MTR: variants seen among roughly 807,000 people sequenced by gnomAD.
MTR encodes the protein methionine synthase.
A neutral mutation model predicts 154.8 loss-of-function variants in MTR; 84 were observed. The observed-to-expected ratio is 0.54, with a 90% CI of 0.45 to 0.65. The LOEUF (loss-of-function observed/expected upper bound fraction) is 0.65. MTR is among the 30% of genes least tolerant of loss of function. The pLI is 0.00. For missense variants in MTR, 1,275 were observed against 1,570.2 expected, an observed-to-expected ratio of 0.81 and a Z score of 3.18; for synonymous variants, 554 against 553.9, an observed-to-expected ratio of 1.00 and a Z score of 0.00.
At chr1:236,813,495 A>T (rs1013572457) in intron 6 of MTR, among the ~76,000 whole-genome samples, 2 of 152,170 alleles carry the variant, frequency 1.3e-5, no homozygotes, top group Non-Finnish European at 2.9e-5. Context: ...TCCCTTCAGC[A>T]AGCAATGTAC....
chr1:236,843,771 A>G (rs1176349905), intron 15 of MTR, among the ~76,000 whole-genome samples: 1 of 152,212 alleles, frequency 6.6e-6, no homozygotes, highest in Non-Finnish European at 1.5e-5. Flanking sequence ...GGATAACTTT[A>G]GAATCTGTTG....
At chr1:236,858,789 G>T (rs1421169398) in intron 18 of MTR, among the ~76,000 whole-genome samples, 1 of 152,148 alleles carries the variant, frequency 6.6e-6, no homozygotes, top group Non-Finnish European at 1.5e-5. Flanking sequence ...TTTGGCAGCT[G>T]GTACCTCCAG....
intron 1 of MTR, among the ~76,000 whole-genome samples, 174 bp downstream of exon 1, chr1:236,795,911 T>G (rs961433070): frequency 3.9e-5 from 6 of 152,224 alleles, no homozygotes; most frequent in African/African-American, 7.2e-5. Flanking sequence ...CGTGTTTTGC[T>G]CCACTCTTTG....
chr1:236,897,501 T>G, intron 32 of MTR, 57 bp from the exon 33 acceptor site: 1 of 1,511,288 alleles, frequency 6.6e-7, no homozygotes, highest in Non-Finnish European at 9.2e-7. Flanking sequence ...TTGTGGAAAC[T>G]TCTATTCCAA....
intron 1 of MTR, among the ~76,000 whole-genome samples, chr1:236,802,429 A>G (rs911305277): frequency 2.0e-5 from 3 of 152,110 alleles, no homozygotes; most frequent in African/African-American, 7.2e-5. Context: ...CCATGTCAGA[A>G]GGATAAGAAA....
chr1:236,869,218 G>T (rs1664984811), intron 22 of MTR, among the ~76,000 whole-genome samples: 1 of 152,160 alleles, frequency 6.6e-6, no homozygotes, highest in Non-Finnish European at 1.5e-5. Context: ...AGGACTTTTT[G>T]TCTTACATTA....
In MTR at chr1:236,838,414, G is replaced by T; in HGVS notation, c.1330G>T (p.Val444Leu). ...LIASEPDIAKVPLCIDSSNFA... is the reference protein window; with the variant it reads ...LIASEPDIAKLPLCIDSSNFA... ...GATTTTCTTGCCTTTCTGATCTCAG[G>T]TACCTTTGTGCATCGACTCCTCCAA... The change falls in exon 15 of 33, where the codon GTA becomes TTA. Residue 444 changes from valine to leucine, a missense_variant and splice_region_variant. Val to Leu is a conservative substitution (Grantham distance 32). Transcript: ENST00000366577. 6.2e-7 allele frequency: 1 copy of T among 1,614,060 alleles called. No homozygotes were observed.
rs1217290510 is a variant in MTR, at chr1:236,889,099, A to G, written c.2852-82A>G. ...AGGGAGGCGGAGTGTGGGAGTTGGC[A>G]GAGCAGTGAGGAGCTGGCAGGGAGG... On this transcript the variant is annotated intron_variant, in intron 27 of 32. Transcript: ENST00000366577. 4.5e-6 allele frequency: 7 copies of G among 1,550,000 alleles called. No individual in the cohort carries two copies. The Admixed American group carries it at 1.0e-4, about 22-fold the overall frequency.
chr1:236,857,915 T>C (rs1315738115), intron 18 of MTR, among the ~76,000 whole-genome samples: 2 of 152,164 alleles, frequency 1.3e-5, no homozygotes, highest in Non-Finnish European at 2.9e-5. Context: ...AGTGCAGTGC[T>C]GGTGGTCCCT....
chr1:236,876,506 A>AATAT (rs1665441623), intron 24 of MTR, among the ~76,000 whole-genome samples: 1 of 152,226 alleles, frequency 6.6e-6, no homozygotes, highest in Admixed American at 6.5e-5. Context: ...GAAAGACTTT[A>AATAT]ATATCAACTG....
chr1:236,802,972 A>G (rs1210690562), intron 1 of MTR, among the ~76,000 whole-genome samples: 1 of 152,222 alleles, frequency 6.6e-6, no homozygotes, highest in Admixed American at 6.5e-5. Context: ...CTCTGTTTGC[A>G]GGCCATTATT....
intron 22 of MTR, among the ~76,000 whole-genome samples, chr1:236,871,750 A>G (rs1299995807): frequency 6.6e-5 from 10 of 152,202 alleles, no homozygotes; most frequent in South Asian, 2.1e-4. Context: ...TGCATTTGCT[A>G]CTGGGTTAGT....
chr1:236,878,490 C>G (rs189443150), intron 24 of MTR, among the ~76,000 whole-genome samples: 1 of 151,994 alleles, frequency 6.6e-6, no homozygotes, highest in South Asian at 2.1e-4. Flanking sequence ...CCAAGATACT[C>G]GAAATGAAGG....
chr1:236,852,436 TCCACTCC>T, intron 16 of MTR, 78 bp from the exon 17 acceptor site: 1 of 978,990 alleles, frequency 1.0e-6, no homozygotes, highest in African/African-American at 1.6e-5. Flanking sequence ...TTTTTTTCTT[TCCACTCC>T]TATATAAAGC....
chr1:236,886,224 G>T, intron 26 of MTR, 68 bp from the exon 27 acceptor site: 1 of 1,304,372 alleles, frequency 7.7e-7, no homozygotes. Flanking sequence ...GGCCTTCTTG[G>T]ACATGTTTTC....
chr1:236,834,394 G>A (rs1024247956), intron 13 of MTR, among the ~76,000 whole-genome samples: 1 of 152,096 alleles, frequency 6.6e-6, no homozygotes, highest in African/African-American at 2.4e-5. Flanking sequence ...TGGCCAGGCT[G>A]GTCTTGAACT....
At chr1:236,826,058 T>C (rs1304471604) in intron 10 of MTR, among the ~76,000 whole-genome samples, 1 of 152,222 alleles carries the variant, frequency 6.6e-6, no homozygotes, top group Non-Finnish European at 1.5e-5. Flanking sequence ...ATGGTTAAAC[T>C]CTAGTCTCAT....
At chr1:236,835,750 G>T in intron 14 of MTR, 63 bp downstream of exon 14, 2 of 1,599,470 alleles carry the variant, frequency 1.3e-6, no homozygotes, top group Non-Finnish European at 1.7e-6. Context: ...TCATTTAACC[G>T]TGCCAGTTGT....
chr1:236,835,633 A>G lies in MTR; in HGVS notation c.1275A>G (p.Pro425=), dbSNP rs202147344. The part of the protein sequence containing the change: ...VNMDDGMLDG[P]SAMTRFCNLI... ...TGGATGATGGCATGCTAGATGGTCC[A>G]AGTGCAATGACCAGATTTTGCAACT... The change falls in exon 14 of 33, where the codon CCA becomes CCG. Residue 425 remains proline, a synonymous_variant. Coordinates refer to ENST00000366577, the MANE Select transcript of MTR (RefSeq NM_000254.3). 7.4e-5 allele frequency: 120 copies of G among 1,611,194 alleles called. No homozygotes were observed. Among genetic ancestry groups the G allele is most frequent in the Non-Finnish European group, 9.7e-5 (115 of 1,179,532 alleles).
Sources: gnomAD v4.1 joint callset for allele counts (sites outside exome capture counted in the v4.1 genomes callset) on GRCh38, gnomAD v4.1.1 for gene constraint, MANE v1.5 for transcripts, NCBI Gene and HGNC (gene_info 2026-07-23, HGNC 2026-07-21) for gene names.